The following DLG2 variants were observed in gnomAD, a reference collection of about 807,000 sequenced individuals.
The protein encoded by DLG2 is discs large MAGUK scaffold protein 2.
Under a neutral mutation model 132.5 loss-of-function variants are expected in DLG2, and 45 were observed. That is an observed-to-expected ratio of 0.34 (90% confidence interval 0.27 to 0.44). DLG2 has a LOEUF of 0.44. DLG2 is among the 20% of genes least tolerant of loss of function. The pLI is 1.00. For synonymous variants in DLG2, 424 were observed against 419.6 expected (o/e 1.01, Z -0.13); for missense variants, 1,045 against 1,196.9 (o/e 0.87, Z 1.87).
At chr11:84,217,972 A>C (rs2096858236) in intron 8 of DLG2, among the ~76,000 whole-genome samples, 1 of 152,108 alleles carries the variant, frequency 6.6e-6, no homozygotes, top group African/African-American at 2.4e-5. Context: ...GTTAGAGACC[A>C]GCCTAGCCAA....
chr11:85,131,949 A>G (rs1350316927), intron 5 of DLG2, among the ~76,000 whole-genome samples: 1 of 152,196 alleles, frequency 6.6e-6, no homozygotes, highest in Non-Finnish European at 1.5e-5. Flanking sequence ...GCTTACATGC[A>G]AAATGAAAAG....
At chr11:85,131,608 C>G (rs1171236804) in intron 5 of DLG2, among the ~76,000 whole-genome samples, 2 of 152,010 alleles carry the variant, frequency 1.3e-5, no homozygotes, top group Non-Finnish European at 2.9e-5. Context: ...AATTTAGAGG[C>G]CTAGTCAACT....
intron 4 of DLG2, among the ~76,000 whole-genome samples, chr11:85,253,829 T>C (rs2076526748): frequency 6.6e-6 from 1 of 151,902 alleles, no homozygotes; most frequent in Non-Finnish European, 1.5e-5. Flanking sequence ...AAAGGGGAGC[T>C]GAAAAGGGGA....
chr11:84,134,942 C>A (rs1049385053), intron 9 of DLG2, among the ~76,000 whole-genome samples: 1 of 151,964 alleles, frequency 6.6e-6, no homozygotes, highest in Admixed American at 6.6e-5. Flanking sequence ...TTTTGAATGG[C>A]AATTGCCATC....
intron 6 of DLG2, among the ~76,000 whole-genome samples, chr11:84,578,124 A>G (rs2099507368): frequency 6.6e-6 from 1 of 152,190 alleles, no homozygotes. Context: ...CAGAAGATGT[A>G]TGGAAATGAC....
intron 6 of DLG2, among the ~76,000 whole-genome samples, chr11:84,879,799 A>G (rs948767942): frequency 6.6e-6 from 1 of 152,140 alleles, no homozygotes; most frequent in Non-Finnish European, 1.5e-5. Flanking sequence ...TTTTAAATCT[A>G]TGAGGTTCAA....
chr11:84,352,039 T>G (rs193028106), intron 7 of DLG2, among the ~76,000 whole-genome samples: 5 of 152,324 alleles, frequency 3.3e-5, no homozygotes, highest in Admixed American at 2.6e-4. Flanking sequence ...TTTCTCATAG[T>G]CCTTGCCTTT....
At chr11:83,973,139 A>G (rs1300319285) in intron 12 of DLG2, among the ~76,000 whole-genome samples, 1 of 152,218 alleles carries the variant, frequency 6.6e-6, no homozygotes, top group Non-Finnish European at 1.5e-5. Flanking sequence ...TTATATTTCT[A>G]TTTCCATTTT....
intron 6 of DLG2, among the ~76,000 whole-genome samples, chr11:84,774,125 T>C (rs75660203): frequency 0.014 from 2,173 of 152,232 alleles, 51 homozygotes; most frequent in African/African-American, 0.049. Context: ...TTCAGTAGAA[T>C]TTGTAAATAC....
At chr11:83,700,264 A>G (rs2153639942) in intron 18 of DLG2, among the ~76,000 whole-genome samples, 1 of 152,176 alleles carries the variant, frequency 6.6e-6, no homozygotes, top group African/African-American at 2.4e-5. Flanking sequence ...TCTTTTTGAG[A>G]AAGAGTGGGA....
chr11:84,652,297 T>G (rs1472165796), intron 6 of DLG2, among the ~76,000 whole-genome samples: 2 of 152,078 alleles, frequency 1.3e-5, no homozygotes, highest in Non-Finnish European at 2.9e-5. Context: ...TGAGAAATAA[T>G]AGTAGAGGAA....
At chr11:83,856,265 T>C (rs950662575) in intron 16 of DLG2, among the ~76,000 whole-genome samples, 8 of 152,338 alleles carry the variant, frequency 5.3e-5, no homozygotes, top group African/African-American at 1.7e-4. Flanking sequence ...TCCATGTCTT[T>C]GCTATTGTGA....
intron 3 of DLG2, among the ~76,000 whole-genome samples, chr11:85,421,506 G>A (rs1027329791): frequency 1.1e-4 from 16 of 150,620 alleles, no homozygotes; most frequent in African/African-American, 3.9e-4. Flanking sequence ...GTGTCCATTT[G>A]CCTGAAATGT....
intron 3 of DLG2, among the ~76,000 whole-genome samples, chr11:85,538,014 G>A (rs559107570): frequency 6.6e-6 from 1 of 151,914 alleles, no homozygotes; most frequent in Non-Finnish European, 1.5e-5. Flanking sequence ...TACTTGAGAG[G>A]CTGAGGCAGG....
chr11:84,600,377 T>A (rs908340135), intron 6 of DLG2, among the ~76,000 whole-genome samples: 2 of 152,216 alleles, frequency 1.3e-5, no homozygotes, highest in Admixed American at 6.5e-5. Flanking sequence ...ACCTAAACCC[T>A]AAACATTTAT....
At chr11:84,385,363 G>T (rs1299132682) in intron 7 of DLG2, among the ~76,000 whole-genome samples, 1 of 152,010 alleles carries the variant, frequency 6.6e-6, no homozygotes, top group Non-Finnish European at 1.5e-5. Context: ...CTCATGCTTT[G>T]ACCTCAGGCT....
intron 18 of DLG2, among the ~76,000 whole-genome samples, chr11:83,763,239 GT>G (rs1237830898): frequency 4.6e-5 from 7 of 152,184 alleles, no homozygotes; most frequent in Non-Finnish European, 7.3e-5. Flanking sequence ...TAAACTGTGT[GT>G]TGTGGGGGTT....
At chr11:85,155,292 T>G (rs2077517291) in intron 4 of DLG2, among the ~76,000 whole-genome samples, 1 of 152,194 alleles carries the variant, frequency 6.6e-6, no homozygotes, top group South Asian at 2.1e-4. Flanking sequence ...AAGATGTTGA[T>G]AGTCTACTGC....
intron 7 of DLG2, among the ~76,000 whole-genome samples, chr11:84,416,081 C>T (rs1350464774): frequency 1.3e-5 from 2 of 152,090 alleles, no homozygotes; most frequent in African/African-American, 4.8e-5. Context: ...GAACCTAAAA[C>T]ATCAAAAGAT....
Sources: gnomAD v4.1 joint callset for allele counts (sites outside exome capture counted in the v4.1 genomes callset) on GRCh38, gnomAD v4.1.1 for gene constraint, MANE v1.5 for transcripts, NCBI Gene and HGNC (gene_info 2026-07-23, HGNC 2026-07-21) for gene names.